The following EFHC1 variants were observed in gnomAD, a reference collection of about 807,000 sequenced individuals.
EFHC1 encodes EF-hand domain containing 1, also known as EF-hand domain-containing protein 1.
EFHC1 carries 53 observed loss-of-function variants against 69.9 expected under a neutral mutation model. The ratio of observed to expected loss-of-function variants is 0.76; its 90% CI spans 0.61 to 0.95. The LOEUF (loss-of-function observed/expected upper bound fraction) is 0.95. EFHC1 is among the 40% of genes least tolerant of loss of function. EFHC1 has a pLI of 0.00. For missense variants in EFHC1, 739 were observed against 798.7 expected (o/e 0.93, Z 0.90); for synonymous variants, 256 against 278.4 (o/e 0.92, Z 0.80).
intron 3 of EFHC1, among the ~76,000 whole-genome samples, chr6:52,441,368 C>T (rs1171004069): frequency 1.3e-5 from 2 of 151,956 alleles, no homozygotes; most frequent in Admixed American, 6.6e-5. Context: ...GCACCTTTCC[C>T]CATTGCTTAT....
intron 9 of EFHC1, chr6:52,482,036 T>C (rs1765688002): frequency 6.6e-6 from 1 of 152,348 alleles, no homozygotes; most frequent in South Asian, 2.1e-4. Context: ...ACAATTGTTC[T>C]GTGCCCTTTA....
chr6:52,458,971 G>A (rs1765102840), intron 5 of EFHC1, among the ~76,000 whole-genome samples: 2 of 152,192 alleles, frequency 1.3e-5, no homozygotes, highest in Admixed American at 6.5e-5. Flanking sequence ...GTGGATGCAG[G>A]TAGAGGCCAT....
rs150450499 is a variant in EFHC1 at position 52,449,111 on chromosome 6, C to T, written c.574-3577C>T. On this transcript the variant is annotated intron_variant, in intron 3 of 10. Coordinates refer to ENST00000371068, the MANE Select transcript of EFHC1 (RefSeq NM_018100.4). ...AACAGTACCAGCTCTTGGCTGGGTG[C>T]GGTGGCTCACGCCTGTAATCCCAGC... 2.8e-3 allele frequency among the ~76,000 whole-genome samples: 433 copies of T among 152,218 alleles called. 1 individual carries two copies. The highest frequency in any genetic ancestry group is 9.7e-3 in the African/African-American group (402 of 41,536).
intron 6 of EFHC1, 167 bp from the exon 7 acceptor site, chr6:52,469,166 G>A: frequency 1.2e-6 from 1 of 830,086 alleles, no homozygotes; most frequent in Non-Finnish European, 1.8e-6. Flanking sequence ...AATCCACAGA[G>A]GAAGGGGATA....
Position 52,438,482 on chromosome 6 carries a change from C to T in EFHC1, c.464C>T (p.Ala155Val), listed in dbSNP as rs760566738. 5 of 1,613,954 alleles carry T rather than the reference C, an allele frequency of 3.1e-6. No homozygotes were observed. Among genetic ancestry groups the T allele is most frequent in the Non-Finnish European group, 4.2e-6 (5 of 1,179,966 alleles). The change falls in exon 3 of 11, where the codon GCC becomes GTC. Residue 155 changes from alanine to valine, a missense_variant. Transcript: ENST00000371068. Reference sequence around the variant, plus strand: ...AAGTTAATAAAACGCCAGCGGCTAGCCAAGAATGACCGGGGTGACCATTAC... The same window carrying T: ...AAGTTAATAAAACGCCAGCGGCTAGTCAAGAATGACCGGGGTGACCATTAC... Reference protein sequence around the residue: ...QGKLIKRQRLAKNDRGDHYHW... With the variant: ...QGKLIKRQRLVKNDRGDHYHW...
chr6:52,485,100 A>G lies in EFHC1; in HGVS notation c.1641-5040A>G, dbSNP rs139456388. ...TAAAAAAAAATGCCTCAGGACTTAA[A>G]CAAATATGATAGCTCTCCAGGAAAG... On this transcript the variant is annotated intron_variant, in intron 9 of 10. Coordinates refer to ENST00000371068, the MANE Select transcript of EFHC1 (RefSeq NM_018100.4). 8.9e-4 allele frequency: 135 copies of G among 152,284 alleles called. 1 individual carries two copies. The highest frequency in any genetic ancestry group is 3.2e-3 in the African/African-American group (131 of 41,564). The allele number at this position is 152,284 out of a possible 1,614,324, so 9.4% of individuals were successfully genotyped here. A position where few individuals can be genotyped will look rare whatever the true frequency, so the allele number is the denominator to read the frequency against.
In EFHC1 at chr6:52,438,548, A is replaced by G; in HGVS notation, c.530A>G (p.Tyr177Cys). ...AATCGAGGAATAAACATCACAATTT[A>G]TGGCAAAACTTTCCGCGTTGTTGAC... ...DLNRGINITI[Y>C]GKTFRVVDCD... The change falls in exon 3 of 11, where the codon TAT becomes TGT. Residue 177 changes from tyrosine to cysteine, a missense_variant. Physicochemically the swap from Tyr to Cys is radical, Grantham distance 194. Coordinates refer to ENST00000371068, the MANE Select transcript of EFHC1 (RefSeq NM_018100.4). 4 of 1,614,048 alleles carry G rather than the reference A, an allele frequency of 2.5e-6. No homozygotes were observed. The highest frequency in any genetic ancestry group is 3.4e-6 in the Non-Finnish European group (4 of 1,179,944).
At chr6:52,447,267 A>C (rs1464038917) in intron 3 of EFHC1, among the ~76,000 whole-genome samples, 1 of 151,248 alleles carries the variant, frequency 6.6e-6, no homozygotes, top group African/African-American at 2.4e-5. Context: ...ATTTCTTTTT[A>C]CTCTTTTTTC....
chr6:52,492,366 A>C lies in EFHC1; in HGVS notation c.*25A>C, dbSNP rs771508456. On this transcript the variant is annotated 3_prime_UTR_variant, in exon 11 of 11. Coordinates refer to ENST00000371068, the MANE Select transcript of EFHC1 (RefSeq NM_018100.4). ...ACCTGCTGATGAGAAAATGCAAGAC[A>C]ATTTTTGATACTGGAACTATGCTTT... The C allele has an allele frequency of 6.2e-7, 1 of 1,601,144 alleles. No homozygotes were observed. Among genetic ancestry groups the C allele is most frequent in the Non-Finnish European group, 8.6e-7 (1 of 1,168,724 alleles).
chr6:52,480,099 A>G, intron 9 of EFHC1: 1 of 576,830 alleles, frequency 1.7e-6, no homozygotes, highest in South Asian at 2.1e-5. Context: ...CCTACTCTTG[A>G]CTGTAAGCCT....
At chr6:52,462,155 AT>A (rs1172154552) in intron 5 of EFHC1, among the ~76,000 whole-genome samples, 9 of 152,094 alleles carry the variant, frequency 5.9e-5, no homozygotes, top group Admixed American at 5.9e-4. Context: ...AATTTTGGAA[AT>A]ATAACATGAA....
intron 9 of EFHC1, chr6:52,487,379 G>T (rs146779585): frequency 2.0e-5 from 3 of 151,990 alleles, no homozygotes; most frequent in African/African-American, 7.3e-5. Flanking sequence ...TCCTACTTCC[G>T]TCTACTAGGT....
At chr6:52,469,724 C>G (rs1449252743) in intron 7 of EFHC1, among the ~76,000 whole-genome samples, 3 of 152,136 alleles carry the variant, frequency 2.0e-5, no homozygotes, top group Non-Finnish European at 4.4e-5. Context: ...ACTCTTACAC[C>G]TCAAATGTTG....
chr6:52,439,493 CA>C (rs1283357091), intron 3 of EFHC1, among the ~76,000 whole-genome samples: 1 of 152,140 alleles, frequency 6.6e-6, no homozygotes, highest in Non-Finnish European at 1.5e-5. Flanking sequence ...ATGACTATGA[CA>C]AGCTAATAGT....
chr6:52,472,700 GATATGTAATATCTTTTACATACAAGAGAT>G (rs1765465423), intron 7 of EFHC1, among the ~76,000 whole-genome samples: 3 of 149,364 alleles, frequency 2.0e-5, no homozygotes, highest in African/African-American at 7.6e-5. Context: ...ACATACAAGA[GATATGTAATATCTTTTACATACAAGAGAT>G]ATGTAATATC....
At position 52,420,458 on chromosome 6, in the gene EFHC1, C is replaced by T; in HGVS notation, c.48C>T (p.Ser16=). Residue 16 remains serine (S), a synonymous_variant, in exon 1 of 11, where the codon TCC becomes TCT. Transcript: ENST00000371068. ...GCTTGCCCTTTCTTCCGGGCACGTC[C>T]TTTAAGGACTCTACGGTGAGCAGTT... ...VHGLPFLPGT[S]FKDSTKTAFH... is the part of the protein sequence containing the mutation. 1.9e-6 allele frequency: 3 copies of T among 1,614,214 alleles called. No individual in the cohort carries two copies. In the South Asian group the frequency reaches 3.3e-5, roughly 18 times the overall value.
At chr6:52,424,254 T>C in intron 2 of EFHC1, 87 bp downstream of exon 2, 1 of 1,271,002 alleles carries the variant, frequency 7.9e-7, no homozygotes, top group Non-Finnish European at 1.1e-6. Context: ...AACCACAGAA[T>C]TTCCAAAGGG....
At chr6:52,467,499 A>G (rs1474190305) in intron 6 of EFHC1, among the ~76,000 whole-genome samples, 3 of 152,024 alleles carry the variant, frequency 2.0e-5, no homozygotes, top group South Asian at 2.1e-4. Flanking sequence ...TTTTGAGCCA[A>G]TGGAATTTTT....
At chr6:52,444,550 G>A (rs982432244) in intron 3 of EFHC1, among the ~76,000 whole-genome samples, 4 of 152,166 alleles carry the variant, frequency 2.6e-5, no homozygotes, top group South Asian at 2.1e-4. Context: ...AGATAATCAC[G>A]TGGTTTTTGT....
Sources: gnomAD v4.1 joint callset for allele counts (sites outside exome capture counted in the v4.1 genomes callset) on GRCh38, gnomAD v4.1.1 for gene constraint, MANE v1.5 for transcripts, NCBI Gene and HGNC (gene_info 2026-07-23, HGNC 2026-07-21) for gene names.